Variants in DACT1 observed in about 807,000 individuals in gnomAD.
DACT1 encodes the protein dishevelled binding antagonist of beta catenin 1.
DACT1 carries 19 observed loss-of-function variants against 35.3 expected under a neutral mutation model. The ratio of observed to expected loss-of-function variants is 0.54; its 90% CI spans 0.38 to 0.79. The LOEUF (loss-of-function observed/expected upper bound fraction) is 0.79. Ranked by LOEUF, DACT1 falls within the 30% of genes least tolerant of loss-of-function variation. The pLI, the probability that DACT1 is intolerant of heterozygous loss-of-function variation, is 0.00. For missense variants in DACT1, 1,143 were observed against 1,057.5 expected, an observed-to-expected ratio of 1.08 and a Z score of -1.12; for synonymous variants, 545 against 466.7, an observed-to-expected ratio of 1.17 and a Z score of -2.16.
chr14:58,636,204 G>A (rs1487474809), upstream of DACT1, among the ~76,000 whole-genome samples: 1 of 152,184 alleles, frequency 6.6e-6, no homozygotes, highest in African/African-American at 2.4e-5. Context: ...GAAAGTGAAA[G>A]GTGGCAAGGG....
At chr14:58,639,192 C>T (rs540800282) in intron 1 of DACT1, 395 of 985,278 alleles carry the variant, frequency 4.0e-4, no homozygotes, top group Non-Finnish European at 4.6e-4. Flanking sequence ...TGTGTCCCCT[C>T]CTCTCATATT....
At chr14:58,641,098 A>T (rs1361967485) in intron 2 of DACT1, among the ~76,000 whole-genome samples, 2 of 152,360 alleles carry the variant, frequency 1.3e-5, no homozygotes, top group East Asian at 3.9e-4. Context: ...CAAGTTTAAA[A>T]ATAAAAGCTA....
In DACT1 at chr14:58,646,511, A is replaced by C. The variant is rs1356893515; in HGVS notation, c.1777A>C (p.Lys593Gln). 6.4e-7 allele frequency: 1 copy of C among 1,559,066 alleles called. No individual in the cohort carries two copies. Among genetic ancestry groups the C allele is most frequent in the African/African-American group, 1.4e-5 (1 of 72,380 alleles). ...TAAGAAACTCAAGAAAGCCTCCTCC[A>C]AGGGGAGGAAGAGTGGGGGCGGGCC... Reference protein sequence around the residue: ...TNKKLKKASSKGRKSGGGPEA... With the variant: ...TNKKLKKASSQGRKSGGGPEA... Residue 593 changes from lysine (K) to glutamine (Q), a missense_variant, in exon 4 of 4, where the codon AAG (lysine) becomes CAG (glutamine). Physicochemically the swap from Lys to Gln is moderately conservative, Grantham distance 53. Around this residue, in one of 3 missense-constraint regions of DACT1, gnomAD observed 1,054 missense variants for 958.8 expected, o/e 1.10. Coordinates refer to ENST00000395153, the MANE Select transcript of DACT1 (RefSeq NM_001079520.2).
chr14:58,642,626 G>A (rs149994181), intron 3 of DACT1, among the ~76,000 whole-genome samples: 2,058 of 151,298 alleles, frequency 0.014, 44 homozygotes, highest in African/African-American at 0.047. Context: ...CCCCAGAGGC[G>A]GAGGTTGCAG....
In DACT1 at chr14:58,646,584, G is replaced by A. The variant is rs1439723590; in HGVS notation, c.1850G>A (p.Gly617Glu). 1.3e-6 allele frequency: 2 copies of A among 1,579,222 alleles called. No homozygotes were observed. The highest frequency in any genetic ancestry group is 1.4e-5 in the African/African-American group (1 of 73,994). ...CCCGCGGGCGGGGGCCACAGGGCGG[G>A]GAGCAGGGCGCATGGCCACGGACGG... ...GRPAGGGHRA[G>E]SRAHGHGREA... Residue 617 changes from glycine (G) to glutamate (E), a missense_variant, in exon 4 of 4, where the codon GGG (glycine) becomes GAG (glutamate). By Grantham distance (98) the Gly-to-Glu change is moderately conservative (BLOSUM62 -2). Transcript: ENST00000395153.
chr14:58,647,077 CAAG>C lies in DACT1; in HGVS notation c.2351_2353del (p.Lys784del), dbSNP rs761374925. ...TCAAAATTAAGGCCTCACATAACCTCAAGAAGAAGATCCTCCGCTTTCGGTCTG... is the reference window on the plus strand; with the variant it reads ...TCAAAATTAAGGCCTCACATAACCTCAAGAAGATCCTCCGCTTTCGGTCTG... On this transcript the variant is annotated inframe_deletion, in exon 4 of 4. Coordinates refer to ENST00000395153, the MANE Select transcript of DACT1 (RefSeq NM_001079520.2). The C allele has an allele frequency of 6.2e-6, 10 of 1,614,202 alleles. No individual in the cohort carries two copies. The highest frequency in any genetic ancestry group is 7.6e-6 in the Non-Finnish European group (9 of 1,180,046).
At chr14:58,642,546 C>T (rs1481825424) in intron 3 of DACT1, among the ~76,000 whole-genome samples, 1 of 151,082 alleles carries the variant, frequency 6.6e-6, no homozygotes, top group Non-Finnish European at 1.5e-5. Flanking sequence ...ACACAAAAAT[C>T]GGCCGGGTGT....
rs1034129355 is a variant in DACT1, at chr14:58,638,310, G to A, written c.108G>A (p.Glu36=). ...EPEGRWREKG[E]ADTERQRTRE... ...AGGGGCGCTGGCGGGAGAAGGGCGA[G>A]GCAGACACCGAGCGGCAGCGCACCC... Residue 36 remains glutamate, a synonymous_variant, in exon 1 of 4, where the codon GAG becomes GAA. Coordinates refer to ENST00000395153, the MANE Select transcript of DACT1 (RefSeq NM_001079520.2). 3.8e-5 allele frequency: 51 copies of A among 1,332,600 alleles called. No individual in the cohort carries two copies. Among genetic ancestry groups the A allele is most frequent in the Non-Finnish European group, 4.5e-5 (47 of 1,046,684 alleles). 82.5% of individuals were successfully genotyped at this position (1,332,600 alleles called of 1,614,324 possible).
chr14:58,646,012 TGC>T lies in DACT1; in HGVS notation c.1279_1280del (p.Ala427SerfsTer12). 6.2e-7 allele frequency: 1 copy of T among 1,614,078 alleles called. No individual in the cohort carries two copies. Among genetic ancestry groups the T allele is most frequent in the Non-Finnish European group, 8.5e-7 (1 of 1,180,026 alleles). The part of the protein sequence containing the change: ...KTAKPASQEH[A>X]RCSAIGTGES... ...CGGCCAAGCCAGCCTCGCAAGAACA[TGC>T]TCGGTGTTCCGCCATTGGGACAGGG... On this transcript the variant is annotated frameshift_variant, in exon 4 of 4. Coordinates refer to ENST00000395153, the MANE Select transcript of DACT1 (RefSeq NM_001079520.2). LOFTEE classifies it low-confidence loss of function (END_TRUNC).
Position 58,640,886 on chromosome 14 carries a change from A to G in DACT1, c.478+18A>G, listed in dbSNP as rs1439709833. On this transcript the variant is annotated intron_variant, in intron 2 of 3. Coordinates refer to ENST00000395153, the MANE Select transcript of DACT1 (RefSeq NM_001079520.2). ...TAGCTCAGGTGAGTGATTGAGCACA[A>G]GGACAGAATTCTGCACTCTTGAGTT... The G allele has an allele frequency of 6.2e-7, 1 of 1,614,036 alleles. No homozygotes were observed. The highest frequency in any genetic ancestry group is 8.5e-7 in the Non-Finnish European group (1 of 1,179,918).
At chr14:58,637,528 G>A (rs2047581744), upstream of DACT1, among the ~76,000 whole-genome samples, 2 of 152,356 alleles carry the variant, frequency 1.3e-5, no homozygotes, top group African/African-American at 4.8e-5. Context: ...GAGTGGCCGT[G>A]TGGGGAAAGG....
chr14:58,634,596 AG>A (rs1461938156), upstream of DACT1, among the ~76,000 whole-genome samples: 4 of 152,348 alleles, frequency 2.6e-5, no homozygotes, highest in East Asian at 7.7e-4. Flanking sequence ...TCCAGCTCAA[AG>A]GATTGCCCTT....
chr14:58,646,930 G>A lies in DACT1; in HGVS notation c.2196G>A (p.Glu732=). The part of the protein sequence containing the change: ...SSVSEGEFVG[E]STTTSDSEES... Reference sequence around the variant, plus strand: ...TGAGCGAGGGCGAGTTCGTGGGGGAGAGCACAACCACCAGCGACTCTGAAG... The same window carrying A: ...TGAGCGAGGGCGAGTTCGTGGGGGAAAGCACAACCACCAGCGACTCTGAAG... The change falls in exon 4 of 4, where the codon GAG becomes GAA. Residue 732 remains glutamate, a synonymous_variant. Coordinates refer to ENST00000395153, the MANE Select transcript of DACT1 (RefSeq NM_001079520.2). 1.2e-6 allele frequency: 2 copies of A among 1,614,170 alleles called. No homozygotes were observed. The highest frequency in any genetic ancestry group is 1.7e-6 in the Non-Finnish European group (2 of 1,180,022).
chr14:58,642,955 G>T (rs1397239716), intron 3 of DACT1, among the ~76,000 whole-genome samples: 1 of 152,194 alleles, frequency 6.6e-6, no homozygotes, highest in Non-Finnish European at 1.5e-5. Flanking sequence ...CACACTACTG[G>T]ATGCTCTGTA....
At position 58,638,838 on chromosome 14, in the gene DACT1, A is replaced by G. The variant is rs187973592; in HGVS notation, c.345+291A>G. 319 of 1,128,842 alleles carry G rather than the reference A, an allele frequency of 2.8e-4. No individual in the cohort carries two copies. In the African/African-American group the frequency reaches 4.9e-3, roughly 17 times the overall value. 69.9% of individuals were successfully genotyped at this position (1,128,842 alleles called of 1,614,324 possible). On this transcript the variant is annotated intron_variant, in intron 1 of 3. Coordinates refer to ENST00000395153, the MANE Select transcript of DACT1 (RefSeq NM_001079520.2). The stretch of plus-strand genomic sequence containing the variant: ...CCTCCTCTGCCTTCGGGATTCTTGG[A>G]GTCGCCTAGTTCTAACGTTCGGTCT...
intron 2 of DACT1, 35 bp from the exon 3 acceptor site, chr14:58,641,557 C>G (rs779840984): frequency 1.3e-6 from 2 of 1,588,428 alleles, no homozygotes; most frequent in African/African-American, 2.7e-5. Context: ...TATTTCTTGA[C>G]ATGATGTTAA....
At chr14:58,640,174 T>TTTG (rs1012365396) in intron 1 of DACT1, among the ~76,000 whole-genome samples, 1 of 152,172 alleles carries the variant, frequency 6.6e-6, no homozygotes, top group Non-Finnish European at 1.5e-5. Context: ...CCATGAGGGT[T>TTTG]TTGGATTCTG....
Position 58,646,539 on chromosome 14 carries a change from A to AGGCTGGTGTTCCCGGCAGGCCCGC in DACT1, c.1808_1831dup (p.Ala603_Ala610dup). On this transcript the variant is annotated inframe_insertion, in exon 4 of 4. Transcript: ENST00000395153. Reference sequence around the variant, plus strand: ...GGGAGGAAGAGTGGGGGCGGGCCCGAGGCTGGTGTTCCCGGCAGGCCCGCG... The same window carrying AGGCTGGTGTTCCCGGCAGGCCCGC: ...GGGAGGAAGAGTGGGGGCGGGCCCGAGGCTGGTGTTCCCGGCAGGCCCGCGGCTGGTGTTCCCGGCAGGCCCGCG... 1 of 1,555,918 alleles carries AGGCTGGTGTTCCCGGCAGGCCCGC rather than the reference A, an allele frequency of 6.4e-7. No individual in the cohort carries two copies.
rs1049478706 is a variant in DACT1, at chr14:58,646,651, C to T, written c.1917C>T (p.Tyr639=). 18 of 1,611,160 alleles carry T rather than the reference C, an allele frequency of 1.1e-5. No individual in the cohort carries two copies. The highest frequency in any genetic ancestry group is 1.5e-5 in the Non-Finnish European group (18 of 1,179,098). ...AACCTAAGCACAAGCGAACTGACTA[C>T]CGGCGGTGGAAGTCCTCGGCCGAGA... ...VAKPKHKRTD[Y]RRWKSSAEIS... The change falls in exon 4 of 4, where the codon TAC becomes TAT. Residue 639 remains tyrosine (Y), a synonymous_variant. Coordinates refer to ENST00000395153, the MANE Select transcript of DACT1 (RefSeq NM_001079520.2).
Sources: allele counts gnomAD v4.1 joint callset (sites outside exome capture counted in the v4.1 genomes callset), GRCh38; gene constraint gnomAD v4.1.1; regional missense constraint gnomAD v4.1.1; transcripts MANE v1.5; gene names NCBI Gene and HGNC (gene_info 2026-07-23, HGNC 2026-07-21).